Variants in CHCHD6 observed in about 807,000 individuals in gnomAD.
CHCHD6 encodes coiled-coil-helix-coiled-coil-helix domain containing 6.
A neutral mutation model predicts 32.3 loss-of-function variants in CHCHD6; 28 were observed. That is an observed-to-expected ratio of 0.87 (90% CI 0.64 to 1.19). The LOEUF is 1.19. Ranked by LOEUF, CHCHD6 falls within the 50% of genes most tolerant of loss-of-function variation. CHCHD6 has a pLI of 0.00. For missense variants in CHCHD6, 333 were observed against 307.0 expected, an observed-to-expected ratio of 1.08 and a Z score of -0.63; for synonymous variants, 122 against 117.5, an observed-to-expected ratio of 1.04 and a Z score of -0.25.
chr3:126,779,855 C>G (rs1349569034), intron 4 of CHCHD6, among the ~76,000 whole-genome samples: 1 of 152,204 alleles, frequency 6.6e-6, no homozygotes, highest in Admixed American at 6.5e-5. Flanking sequence ...AGGTTATAAA[C>G]TCCTTAGGGC....
chr3:126,852,644 C>A lies in CHCHD6; in HGVS notation c.412-3C>A. 6.2e-7 allele frequency: 1 copy of A among 1,612,678 alleles called. No homozygotes were observed. Among genetic ancestry groups the A allele is most frequent in the South Asian group, 1.1e-5 (1 of 91,056 alleles). On this transcript the variant is annotated splice_region_variant and splice_polypyrimidine_tract_variant and intron_variant, in intron 4 of 7. Transcript: ENST00000290913. ...AACGTGGGCTTTGTTCTCTTCCAAG[C>A]AGGCCAGGGAGCTGGAGAGCAGAGA...
rs182533359 is a variant in CHCHD6, at chr3:126,736,364, G to A, written c.411+3142G>A. Among the ~76,000 whole-genome samples the A allele has an allele frequency of 3.3e-5, 5 of 152,230 alleles. No individual in the cohort carries two copies. In the South Asian group the frequency reaches 8.3e-4, roughly 25 times the overall value. ...GTCCTGAGATGGAACTTGCATGGTC[G>A]CCAGCAGAATGAGTTGTCTGCCCAC... On this transcript the variant is annotated intron_variant, in intron 4 of 7. Coordinates refer to ENST00000290913, the MANE Select transcript of CHCHD6 (RefSeq NM_032343.3).
chr3:126,885,608 G>A (rs1041876328), intron 5 of CHCHD6, among the ~76,000 whole-genome samples: 7 of 152,206 alleles, frequency 4.6e-5, no homozygotes, highest in African/African-American at 1.7e-4. Flanking sequence ...CTTTCAGAGA[G>A]TAATGTAAGA....
At chr3:126,768,074 G>A (rs1372820875) in intron 4 of CHCHD6, among the ~76,000 whole-genome samples, 1 of 152,094 alleles carries the variant, frequency 6.6e-6, no homozygotes, top group Non-Finnish European at 1.5e-5. Context: ...TATGGTTTGG[G>A]TCTGTGTCCC....
intron 3 of CHCHD6, among the ~76,000 whole-genome samples, chr3:126,731,332 C>T (rs1935794200): frequency 6.6e-6 from 1 of 152,076 alleles, no homozygotes; most frequent in Non-Finnish European, 1.5e-5. Flanking sequence ...GTCATGGGAC[C>T]TGCTTCCTGT....
intron 4 of CHCHD6, among the ~76,000 whole-genome samples, chr3:126,833,914 C>T (rs1462935144): frequency 1.3e-5 from 2 of 151,014 alleles, no homozygotes; most frequent in Non-Finnish European, 3.0e-5. Context: ...AATAGCCGGG[C>T]GTAGTGGCGG....
intron 4 of CHCHD6, among the ~76,000 whole-genome samples, chr3:126,751,327 C>A (rs937733883): frequency 6.6e-6 from 1 of 151,870 alleles, no homozygotes; most frequent in Admixed American, 6.6e-5. Context: ...CATGGCAAAA[C>A]CCTGTCTCTA....
intron 5 of CHCHD6, among the ~76,000 whole-genome samples, chr3:126,871,463 T>G (rs1307256367): frequency 2.0e-5 from 3 of 151,998 alleles, no homozygotes; most frequent in African/African-American, 7.2e-5. Context: ...GGTCAGGGAT[T>G]CTCAGGGGTT....
intron 4 of CHCHD6, among the ~76,000 whole-genome samples, chr3:126,801,250 A>C (rs1293225088): frequency 6.6e-6 from 1 of 152,242 alleles, no homozygotes; most frequent in Non-Finnish European, 1.5e-5. Flanking sequence ...AAGCCGAAGC[A>C]GGGCGAGGCA....
chr3:126,724,630 C>T (rs952781960), intron 1 of CHCHD6, among the ~76,000 whole-genome samples: 1 of 152,134 alleles, frequency 6.6e-6, no homozygotes, highest in East Asian at 1.9e-4. Context: ...CTCTTCCTTT[C>T]ACAAAAGATT....
At position 126,938,161 on chromosome 3, in the gene CHCHD6, A is replaced by G. The variant is rs539607516; in HGVS notation, c.567-19255A>G. Among the ~76,000 whole-genome samples, 23 of 152,316 alleles carry G rather than the reference A, an allele frequency of 1.5e-4. No homozygotes were observed. In the East Asian group the frequency reaches 4.3e-3, roughly 28 times the overall value. On this transcript the variant is annotated intron_variant, in intron 6 of 7. Transcript: ENST00000290913. ...ATGACAGAATCCATTTCCATCAGGG[A>G]AATTGGCAAGGGGCCATTAGCTTGT...
rs115912909 is a variant in CHCHD6 at position 126,943,919 on chromosome 3, A to G, written c.567-13497A>G. The stretch of plus-strand genomic sequence containing the variant: ...AAACACTATCGCAGCTTAAAAAACT[A>G]TGAACTTCATGAAAACTAATTCAGA... On this transcript the variant is annotated intron_variant, in intron 6 of 7. Transcript: ENST00000290913. 6.1e-3 allele frequency among the ~76,000 whole-genome samples: 935 copies of G among 152,358 alleles called. 9 individuals carry two copies. Among genetic ancestry groups the G allele is most frequent in the African/African-American group, 0.021 (890 of 41,578 alleles).
chr3:126,786,803 T>C (rs1267329666), intron 4 of CHCHD6, among the ~76,000 whole-genome samples: 1 of 152,222 alleles, frequency 6.6e-6, no homozygotes. Flanking sequence ...TAGTTTCTTT[T>C]GCTGTGCAGA....
intron 1 of CHCHD6, among the ~76,000 whole-genome samples, chr3:126,709,456 GT>G (rs1197468013): frequency 6.6e-6 from 1 of 152,146 alleles, no homozygotes; most frequent in South Asian, 2.1e-4. Context: ...TTTACAAGTT[GT>G]TTTTTTGCAG....
chr3:126,707,289 C>T (rs1248211590), intron 1 of CHCHD6, among the ~76,000 whole-genome samples: 3 of 151,418 alleles, frequency 2.0e-5, no homozygotes, highest in African/African-American at 7.3e-5. Flanking sequence ...AGATTAAGTG[C>T]TAGGCCTTGC....
At chr3:126,783,681 C>T (rs1938058373) in intron 4 of CHCHD6, among the ~76,000 whole-genome samples, 1 of 151,796 alleles carries the variant, frequency 6.6e-6, no homozygotes, top group Non-Finnish European at 1.5e-5. Flanking sequence ...ATCCCATTTA[C>T]ATAGCATCAA....
At chr3:126,776,246 A>T (rs1937645006) in intron 4 of CHCHD6, among the ~76,000 whole-genome samples, 1 of 152,342 alleles carries the variant, frequency 6.6e-6, no homozygotes, top group Middle Eastern at 3.4e-3. Context: ...TATATTTTGC[A>T]TATGGATGCT....
rs2078842039 is a variant in CHCHD6 at position 126,960,237 on chromosome 3, G to A, written c.*36G>A. 6.4e-7 allele frequency: 1 copy of A among 1,551,102 alleles called. No homozygotes were observed. Among genetic ancestry groups the A allele is most frequent in the Non-Finnish European group, 8.7e-7 (1 of 1,146,800 alleles). On this transcript the variant is annotated 3_prime_UTR_variant, in exon 8 of 8. Coordinates refer to ENST00000290913, the MANE Select transcript of CHCHD6 (RefSeq NM_032343.3). Reference sequence around the variant, plus strand: ...TCATTCCCTGCCCTGGCAGTGACTTGGAGCCCTGAAGAAGGGACCAATCAT... The same window carrying A: ...TCATTCCCTGCCCTGGCAGTGACTTAGAGCCCTGAAGAAGGGACCAATCAT...
At chr3:126,798,121 A>G (rs1938883483) in intron 4 of CHCHD6, among the ~76,000 whole-genome samples, 1 of 152,176 alleles carries the variant, frequency 6.6e-6, no homozygotes, top group African/African-American at 2.4e-5. Context: ...AGGGAAAAGC[A>G]AGTGGTGTGC....
Sources: gnomAD v4.1 joint callset for allele counts (sites outside exome capture counted in the v4.1 genomes callset) on GRCh38, gnomAD v4.1.1 for gene constraint, MANE v1.5 for transcripts, NCBI Gene and HGNC (gene_info 2026-07-23, HGNC 2026-07-21) for gene names.